SLC4A5: variants seen among roughly 807,000 people sequenced by gnomAD.
SLC4A5 encodes solute carrier family 4 member 5.
Under a neutral mutation model 120.4 loss-of-function variants are expected in SLC4A5, and 96 were observed. The observed-to-expected ratio is 0.80, with a 90% CI of 0.68 to 0.94. SLC4A5 has a LOEUF of 0.94. Among genes scored for constraint, SLC4A5 ranks in the 40% least tolerant of loss-of-function variants. The probability of loss-of-function intolerance (pLI) is 0.00; values close to 1 mark genes in which losing one functional copy is unlikely to be tolerated. For missense variants in SLC4A5, 1,259 were observed against 1,459.5 expected (o/e 0.86, Z 2.24); for synonymous variants, 550 against 571.1 (o/e 0.96, Z 0.53).
At chr2:74,315,084 A>ACT in intron 5 of SLC4A5, 59 bp from the exon 6 acceptor site, 2 of 1,399,166 alleles carry the variant, frequency 1.4e-6, no homozygotes, top group East Asian at 4.6e-5. Flanking sequence ...TAGGATTTCA[A>ACT]GGAGAAATGG....
At chr2:74,286,660 A>G (rs1205136318) in intron 7 of SLC4A5, among the ~76,000 whole-genome samples, 1 of 152,198 alleles carries the variant, frequency 6.6e-6, no homozygotes, top group Non-Finnish European at 1.5e-5. Context: ...ACAGAGAATA[A>G]ACAAGTCAAC....
intron 7 of SLC4A5, chr2:74,290,624 A>T (rs1322060861): frequency 4.4e-5 from 12 of 271,182 alleles, no homozygotes; most frequent in South Asian, 1.3e-4. Flanking sequence ...CAGAGAAGTG[A>T]GAGAGAGAGA....
At chr2:74,220,238 G>A (rs148279261) in intron 30 of SLC4A5, among the ~76,000 whole-genome samples, 19 of 152,214 alleles carry the variant, frequency 1.2e-4, no homozygotes, top group African/African-American at 2.9e-4. Context: ...CCTTTTTCAC[G>A]GGTGGCTTCT....
intron 5 of SLC4A5, among the ~76,000 whole-genome samples, chr2:74,315,333 G>T (rs1270159009): frequency 2.0e-5 from 3 of 151,628 alleles, no homozygotes; most frequent in African/African-American, 4.9e-5. Context: ...CCAGCTGCTA[G>T]GAAGGCTGAG....
chr2:74,233,371 G>A (rs777583014), intron 23 of SLC4A5, 31 bp downstream of exon 23: 9 of 1,612,040 alleles, frequency 5.6e-6, no homozygotes, highest in South Asian at 1.1e-5. Context: ...GAAGAAAGAG[G>A]TTATGCCTCT....
At chr2:74,273,415 A>T (rs539502523) in intron 8 of SLC4A5, among the ~76,000 whole-genome samples, 2 of 152,278 alleles carry the variant, frequency 1.3e-5, no homozygotes, top group South Asian at 4.1e-4. Flanking sequence ...ATTTGTGTGA[A>T]TTTGTTTCTT....
exon 22 of SLC4A5, chr2:74,235,175 T>G: frequency 1.2e-6 from 2 of 1,613,966 alleles, no homozygotes; most frequent in Non-Finnish European, 1.7e-6. Context: ...AACATCAGGA[T>G]GGAGAAAACA....
intron 10 of SLC4A5, 149 bp downstream of exon 10, chr2:74,263,998 A>C: frequency 9.5e-7 from 1 of 1,055,524 alleles, no homozygotes. Context: ...TGGGGTCCCC[A>C]CAGGCCTGCC....
At chr2:74,231,366 G>A in intron 24 of SLC4A5, 58 bp from the exon 25 acceptor site, 1 of 1,503,734 alleles carries the variant, frequency 6.7e-7, no homozygotes, top group East Asian at 2.3e-5. Flanking sequence ...AACTACTCTG[G>A]CCCTCCTGCC....
At chr2:74,257,308 CA>C (rs1670999152) in intron 12 of SLC4A5, among the ~76,000 whole-genome samples, 1 of 152,028 alleles carries the variant, frequency 6.6e-6, no homozygotes, top group East Asian at 1.9e-4. Context: ...AGGATCCTAA[CA>C]TAGTGAGAAA....
At chr2:74,341,038 C>G (rs1177341517) in intron 2 of SLC4A5, among the ~76,000 whole-genome samples, 3 of 152,206 alleles carry the variant, frequency 2.0e-5, no homozygotes, top group African/African-American at 7.2e-5. Context: ...GGTGCAGTGG[C>G]TCACGCCTGT....
intron 19 of SLC4A5, among the ~76,000 whole-genome samples, chr2:74,242,488 A>T (rs1188011736): frequency 6.6e-6 from 1 of 152,182 alleles, no homozygotes; most frequent in Non-Finnish European, 1.5e-5. Context: ...GATCTTCACC[A>T]AGTATGCCCA....
intron 19 of SLC4A5, among the ~76,000 whole-genome samples, chr2:74,245,300 C>A (rs1487478732): frequency 6.6e-6 from 1 of 152,096 alleles, no homozygotes; most frequent in Non-Finnish European, 1.5e-5. Flanking sequence ...GCCTGGGCGA[C>A]AGAGTCAGAC....
At chr2:74,308,715 AT>A (rs1219639989) in intron 6 of SLC4A5, among the ~76,000 whole-genome samples, 8 of 150,534 alleles carry the variant, frequency 5.3e-5, no homozygotes, top group Admixed American at 4.6e-4. Context: ...GAAGTTTTCA[AT>A]TTTAACAGAG....
intron 8 of SLC4A5, among the ~76,000 whole-genome samples, chr2:74,277,378 A>G (rs1343315862): frequency 6.6e-6 from 1 of 152,098 alleles, no homozygotes. Flanking sequence ...GTGAGACTCT[A>G]TCTCTACTAA....
At chr2:74,332,281 G>A (rs1487084174) in intron 4 of SLC4A5, among the ~76,000 whole-genome samples, 1 of 152,078 alleles carries the variant, frequency 6.6e-6, no homozygotes, top group Non-Finnish European at 1.5e-5. Flanking sequence ...AAACTCTACT[G>A]CCCTACGATT....
chr2:74,306,183 C>T (rs182724307), intron 6 of SLC4A5, among the ~76,000 whole-genome samples: 40 of 152,314 alleles, frequency 2.6e-4, no homozygotes, highest in Admixed American at 1.0e-3. Flanking sequence ...GGGCATCAGC[C>T]TAATGGCTAA....
At chr2:74,301,366 T>G (rs1172843224) in intron 7 of SLC4A5, among the ~76,000 whole-genome samples, 1 of 152,208 alleles carries the variant, frequency 6.6e-6, no homozygotes, top group South Asian at 2.1e-4. Context: ...TCCATCTGCA[T>G]AGTGTGCCTG....
At chr2:74,336,529 G>C (rs1673495530) in intron 3 of SLC4A5, among the ~76,000 whole-genome samples, 1 of 152,074 alleles carries the variant, frequency 6.6e-6, no homozygotes. Context: ...TATTAAATGA[G>C]GTAACATACA....
Sources: allele counts gnomAD v4.1 joint callset (sites outside exome capture counted in the v4.1 genomes callset), GRCh38; gene constraint gnomAD v4.1.1; transcripts MANE v1.5; gene names NCBI Gene and HGNC (gene_info 2026-07-23, HGNC 2026-07-21).